KATNAL1: variants seen among roughly 807,000 people sequenced by gnomAD.
The protein encoded by KATNAL1 is katanin p60 ATPase-containing subunit A-like 1.
A neutral mutation model predicts 55.2 loss-of-function variants in KATNAL1; 32 were observed. The ratio of observed to expected loss-of-function variants is 0.58; its 90% confidence interval spans 0.44 to 0.78. KATNAL1 has a LOEUF of 0.78. Ranked by LOEUF, KATNAL1 falls within the 30% of genes least tolerant of loss-of-function variation. The probability of loss-of-function intolerance (pLI) is 0.00; values close to 1 mark genes in which losing one functional copy is unlikely to be tolerated. For synonymous variants in KATNAL1, 193 were observed against 193.6 expected, an observed-to-expected ratio of 1.00 and a Z score of 0.02; for missense variants, 466 against 600.9, an observed-to-expected ratio of 0.78 and a Z score of 2.35.
chr13:30,237,809 T>G (rs1005370733), intron 6 of KATNAL1, among the ~76,000 whole-genome samples: 29 of 152,196 alleles, frequency 1.9e-4, no homozygotes, highest in African/African-American at 7.0e-4. Context: ...AATAAACCAG[T>G]GTCTTTCTCC....
intron 4 of KATNAL1, among the ~76,000 whole-genome samples, chr13:30,244,651 C>T (rs2137434048): frequency 6.6e-6 from 1 of 152,208 alleles, no homozygotes; most frequent in South Asian, 2.1e-4. Flanking sequence ...AGATAGACTG[C>T]TAGCCAGACT....
intron 9 of KATNAL1, among the ~76,000 whole-genome samples, chr13:30,214,997 T>C (rs1039176071): frequency 1.3e-5 from 2 of 151,728 alleles, no homozygotes; most frequent in Non-Finnish European, 2.9e-5. Context: ...ACCTACAAAA[T>C]GGGAGAAAAT....
chr13:30,296,942 G>A (rs761132454), intron 1 of KATNAL1, among the ~76,000 whole-genome samples: 20 of 151,812 alleles, frequency 1.3e-4, no homozygotes, highest in Non-Finnish European at 7.4e-5. Context: ...TCCCGAGCCC[G>A]CCCAGCAGCA....
chr13:30,271,878 G>GAAAAAAAAAAAAAAAAAAAAAGAA (rs1880393901), intron 3 of KATNAL1, among the ~76,000 whole-genome samples: 1 of 76,792 alleles, frequency 1.3e-5, no homozygotes, highest in African/African-American at 5.1e-5. Flanking sequence ...AAGAAAAGAG[G>GAAAAAAAAAAAAAAAAAAAAAGAA]AAAAAAAAAA....
intron 1 of KATNAL1, among the ~76,000 whole-genome samples, chr13:30,303,173 T>C (rs952224475): frequency 6.6e-6 from 1 of 152,348 alleles, no homozygotes; most frequent in Admixed American, 6.5e-5. Flanking sequence ...TTGCCATCCG[T>C]TCAGTTAGGA....
intron 4 of KATNAL1, among the ~76,000 whole-genome samples, chr13:30,254,896 A>C (rs765780149): frequency 6.6e-6 from 1 of 152,202 alleles, no homozygotes; most frequent in East Asian, 1.9e-4. Context: ...AGGGAAGTAC[A>C]ATTTCCACCG....
chr13:30,240,546 C>T lies in KATNAL1; in HGVS notation c.640G>A (p.Glu214Lys). ...TCCCTTAGCAACTTCTTAGCTTCTT[C>T]CAGATCTGCTATGTCATCCCTTTGA... ...SIHWDDIADLEEAKKLLREAV... is the reference protein window; with the variant it reads ...SIHWDDIADLKEAKKLLREAV... The change falls in exon 6 of 11, where the codon GAA (glutamate) becomes AAA (lysine). Residue 214 changes from glutamate to lysine, a missense_variant. Glu to Lys is a moderately conservative substitution (Grantham distance 56). Coordinates refer to ENST00000380615, the MANE Select transcript of KATNAL1 (RefSeq NM_032116.5). 2 of 1,612,880 alleles carry T rather than the reference C, an allele frequency of 1.2e-6. No individual in the cohort carries two copies. The highest frequency in any genetic ancestry group is 1.7e-6 in the Non-Finnish European group (2 of 1,178,996).
At chr13:30,290,490 C>T (rs1882064363) in intron 1 of KATNAL1, among the ~76,000 whole-genome samples, 1 of 152,216 alleles carries the variant, frequency 6.6e-6, no homozygotes, top group South Asian at 2.1e-4. Flanking sequence ...AATCGGAATA[C>T]TCCTTTATCA....
chr13:30,254,869 G>C (rs375916826), intron 4 of KATNAL1, among the ~76,000 whole-genome samples: 1 of 152,044 alleles, frequency 6.6e-6, no homozygotes, highest in South Asian at 2.1e-4. Context: ...TCAACCCACT[G>C]TCCTAAGTCC....
At chr13:30,253,481 G>A (rs1358311217) in intron 4 of KATNAL1, among the ~76,000 whole-genome samples, 3 of 151,894 alleles carry the variant, frequency 2.0e-5, no homozygotes, top group Non-Finnish European at 4.4e-5. Flanking sequence ...GGCTAACATG[G>A]TGAAACAACG....
intron 3 of KATNAL1, among the ~76,000 whole-genome samples, chr13:30,267,513 A>T (rs1879870003): frequency 6.6e-6 from 1 of 152,232 alleles, no homozygotes; most frequent in Non-Finnish European, 1.5e-5. Context: ...CTGTTCACAT[A>T]AACCCTACAA....
chr13:30,261,048 G>C (rs1178431945), intron 3 of KATNAL1, among the ~76,000 whole-genome samples: 1 of 151,988 alleles, frequency 6.6e-6, no homozygotes, highest in Non-Finnish European at 1.5e-5. Context: ...AGCCAGAAGA[G>C]AGTGGGGGCC....
intron 6 of KATNAL1, among the ~76,000 whole-genome samples, chr13:30,232,404 G>A (rs572471851): frequency 6.6e-6 from 1 of 152,154 alleles, no homozygotes; most frequent in Non-Finnish European, 1.5e-5. Flanking sequence ...TTCAGAAACT[G>A]TCCAAATGCT....
At chr13:30,254,085 C>G (rs1478712868) in intron 4 of KATNAL1, among the ~76,000 whole-genome samples, 1 of 152,152 alleles carries the variant, frequency 6.6e-6, no homozygotes, top group African/African-American at 2.4e-5. Context: ...TATGTAAATT[C>G]AAGACTGAAA....
At chr13:30,218,027 A>C (rs941096611) in intron 9 of KATNAL1, among the ~76,000 whole-genome samples, 2 of 152,070 alleles carry the variant, frequency 1.3e-5, no homozygotes, top group African/African-American at 4.8e-5. Context: ...GTAAAATTTA[A>C]AGAGAAGGGA....
rs1170642482 is a variant in KATNAL1, at chr13:30,260,897, A to AT, written c.324-5283_324-5282insA. Among the ~76,000 whole-genome samples, 3 of 150,180 alleles carry AT rather than the reference A, an allele frequency of 2.0e-5. No individual in the cohort carries two copies. The East Asian group carries it at 5.8e-4, about 29-fold the overall frequency. ...CACAAAGATACTCCTCGAGAAGAGCAACTCCAAGACACATAATTGTCAGAT... is the reference window on the plus strand; with the variant it reads ...CACAAAGATACTCCTCGAGAAGAGCATACTCCAAGACACATAATTGTCAGAT... On this transcript the variant is annotated intron_variant, in intron 3 of 10. Transcript: ENST00000380615.
chr13:30,221,280 T>C (rs1874830960), intron 9 of KATNAL1, among the ~76,000 whole-genome samples: 1 of 152,186 alleles, frequency 6.6e-6, no homozygotes, highest in South Asian at 2.1e-4. Flanking sequence ...GGTAAACAAC[T>C]ACAAAATGAG....
At chr13:30,269,716 C>A (rs1880107113) in intron 3 of KATNAL1, among the ~76,000 whole-genome samples, 1 of 151,764 alleles carries the variant, frequency 6.6e-6, no homozygotes, top group South Asian at 2.1e-4. Flanking sequence ...AGCGTCTCTG[C>A]CCGGCCGCCC....
chr13:30,226,243 C>T (rs76317716), intron 9 of KATNAL1, among the ~76,000 whole-genome samples: 3,419 of 152,208 alleles, frequency 0.022, 67 homozygotes, highest in Non-Finnish European at 0.035. Context: ...TAAACATATG[C>T]CTACCCTATG....
Sources: allele counts gnomAD v4.1 joint callset (sites outside exome capture counted in the v4.1 genomes callset), GRCh38; gene constraint gnomAD v4.1.1; transcripts MANE v1.5; gene names NCBI Gene and HGNC (gene_info 2026-07-23, HGNC 2026-07-21).